SOX6: variants seen among roughly 807,000 people sequenced by gnomAD.
SOX6 encodes SRY-box transcription factor 6.
SOX6 carries 11 observed loss-of-function variants against 97.8 expected under a neutral mutation model. The ratio of observed to expected loss-of-function variants is 0.11; its 90% CI spans 0.07 to 0.19. SOX6 has a LOEUF of 0.19. Ranked by LOEUF, SOX6 falls within the 10% of genes least tolerant of loss-of-function variation. The pLI, the probability that SOX6 is intolerant of heterozygous loss-of-function variation, is 1.00. For missense variants in SOX6, 810 were observed against 1,039.5 expected (o/e 0.78, Z 3.04); for synonymous variants, 360 against 371.4 (o/e 0.97, Z 0.35).
chr11:16,077,667 G>A (rs1263129595), intron 9 of SOX6, among the ~76,000 whole-genome samples: 3 of 152,168 alleles, frequency 2.0e-5, no homozygotes, highest in Non-Finnish European at 2.9e-5. Flanking sequence ...CAACATGGAT[G>A]GAGCTGGCAG....
At chr11:16,285,067 A>T (rs1854692568) in intron 3 of SOX6, among the ~76,000 whole-genome samples, 4 of 152,176 alleles carry the variant, frequency 2.6e-5, no homozygotes, top group Admixed American at 2.6e-4. Context: ...TTGGAAGGGC[A>T]GTATAGTCAA....
intron 1 of SOX6, among the ~76,000 whole-genome samples, chr11:16,393,612 A>C (rs751414749): frequency 6.6e-6 from 1 of 152,000 alleles, no homozygotes; most frequent in Non-Finnish European, 1.5e-5. Context: ...AAATTATGCT[A>C]TTTCATTCTT....
intron 1 of SOX6, among the ~76,000 whole-genome samples, chr11:16,345,895 CT>C: frequency 6.6e-6 from 1 of 151,958 alleles, no homozygotes; most frequent in South Asian, 2.1e-4. Flanking sequence ...TCATTTGAAG[CT>C]TACATAATTA....
chr11:16,656,721 G>A (rs1847721163), intron 3 of SOX6, among the ~76,000 whole-genome samples: 1 of 151,810 alleles, frequency 6.6e-6, no homozygotes, highest in African/African-American at 2.4e-5. Flanking sequence ...CTGTTTTCTG[G>A]CACTTCTTAA....
intron 6 of SOX6, among the ~76,000 whole-genome samples, chr11:16,158,907 TTTG>T (rs1204085401): frequency 2.0e-5 from 3 of 151,774 alleles, no homozygotes; most frequent in African/African-American, 4.8e-5. Context: ...TATCTGTGTG[TTTG>T]TTATCTTTTT....
chr11:16,596,030 G>A (rs927393028), intron 4 of SOX6, among the ~76,000 whole-genome samples: 1 of 152,004 alleles, frequency 6.6e-6, no homozygotes, highest in African/African-American at 2.4e-5. Context: ...CTTTGCCATT[G>A]GAAAAACTTA....
intron 6 of SOX6, among the ~76,000 whole-genome samples, chr11:16,144,397 C>A (rs1159144796): frequency 6.6e-6 from 1 of 152,126 alleles, no homozygotes; most frequent in African/African-American, 2.4e-5. Flanking sequence ...CAAGAGAAAG[C>A]AGGAAAGATC....
intron 4 of SOX6, among the ~76,000 whole-genome samples, chr11:16,604,220 G>T (rs914837749): frequency 1.3e-5 from 2 of 152,230 alleles, no homozygotes; most frequent in Non-Finnish European, 2.9e-5. Context: ...GGCCGACCAA[G>T]GTTGGGGGAC....
intron 9 of SOX6, among the ~76,000 whole-genome samples, chr11:16,075,316 A>C (rs912167288): frequency 6.6e-6 from 1 of 152,192 alleles, no homozygotes. Flanking sequence ...AGGAGGAGCA[A>C]AGGCACATCT....
chr11:16,245,164 C>A (rs1391209954), intron 3 of SOX6, among the ~76,000 whole-genome samples: 1 of 151,682 alleles, frequency 6.6e-6, no homozygotes, highest in Non-Finnish European at 1.5e-5. Context: ...AAATACTTTA[C>A]AATTTTCCTT....
chr11:16,214,607 C>G (rs1035961721), intron 4 of SOX6, among the ~76,000 whole-genome samples: 1 of 152,022 alleles, frequency 6.6e-6, no homozygotes, highest in Non-Finnish European at 1.5e-5. Flanking sequence ...TGTCTAAACT[C>G]TATTTCTCTA....
intron 1 of SOX6, among the ~76,000 whole-genome samples, chr11:16,423,303 T>C (rs1342537517): frequency 6.6e-6 from 1 of 152,186 alleles, no homozygotes; most frequent in Admixed American, 6.5e-5. Context: ...TCTCTTCAAA[T>C]CTTTCTGTAT....
intron 6 of SOX6, among the ~76,000 whole-genome samples, chr11:16,135,428 A>G (rs1250737508): frequency 6.6e-6 from 1 of 152,220 alleles, no homozygotes; most frequent in East Asian, 1.9e-4. Context: ...GCCATTCTAG[A>G]TGACATTAAA....
intron 4 of SOX6, among the ~76,000 whole-genome samples, chr11:16,512,758 C>A (rs1459031278): frequency 6.6e-6 from 1 of 152,196 alleles, no homozygotes; most frequent in Non-Finnish European, 1.5e-5. Context: ...ACTTCTGGCA[C>A]AGGGCCTTAA....
At chr11:16,641,603 A>G (rs1484105538) in intron 3 of SOX6, among the ~76,000 whole-genome samples, 6 of 152,226 alleles carry the variant, frequency 3.9e-5, no homozygotes, top group African/African-American at 1.4e-4. Flanking sequence ...TATTGGGTGC[A>G]TATATACTTA....
intron 3 of SOX6, among the ~76,000 whole-genome samples, chr11:16,642,477 G>A (rs898732300): frequency 2.0e-5 from 3 of 152,130 alleles, no homozygotes; most frequent in Non-Finnish European, 4.4e-5. Flanking sequence ...TTGCTAGATT[G>A]GAGACGTTCT....
At chr11:16,132,445 AAAGAAAGAAAGAAAG>A (rs1849828998) in intron 6 of SOX6, among the ~76,000 whole-genome samples, 1 of 11,884 alleles carries the variant, frequency 8.4e-5, no homozygotes, top group African/African-American at 3.6e-4. Flanking sequence ...AAGAAAGAAA[AAAGAAAGAAAGAAAG>A]AAAGAAAGAA....
At chr11:16,530,358 G>T (rs77231163) in intron 4 of SOX6, among the ~76,000 whole-genome samples, 1,821 of 152,078 alleles carry the variant, frequency 0.012, 29 homozygotes, top group African/African-American at 0.041. Flanking sequence ...CAGAATTCTT[G>T]TTAAAGTGAA....
At chr11:16,220,837 C>G (rs1181965152) in intron 4 of SOX6, among the ~76,000 whole-genome samples, 1 of 151,938 alleles carries the variant, frequency 6.6e-6, no homozygotes, top group East Asian at 1.9e-4. Context: ...TCAATTTATA[C>G]CTATCATGAA....
Sources: allele counts gnomAD v4.1 joint callset (sites outside exome capture counted in the v4.1 genomes callset), GRCh38; gene constraint gnomAD v4.1.1; transcripts MANE v1.5; gene names NCBI Gene and HGNC (gene_info 2026-07-23, HGNC 2026-07-21).